TRPC4AP: variants seen among roughly 807,000 people sequenced by gnomAD.
The protein encoded by TRPC4AP is transient receptor potential cation channel subfamily C member 4 associated protein.
In TRPC4AP, 45 loss-of-function variants were observed where a neutral mutation model predicts 99.0. The observed-to-expected ratio is 0.45, with a 90% CI of 0.36 to 0.58. The LOEUF is 0.58. Ranked by LOEUF, TRPC4AP falls within the 20% of genes least tolerant of loss-of-function variation. The pLI is 0.00. For synonymous variants in TRPC4AP, 408 were observed against 385.8 expected (o/e 1.06, Z -0.67); for missense variants, 879 against 985.3 (o/e 0.89, Z 1.44).
At chr20:35,077,834 G>T (rs1237618833) in intron 2 of TRPC4AP, among the ~76,000 whole-genome samples, 1 of 152,150 alleles carries the variant, frequency 6.6e-6, no homozygotes, top group Admixed American at 6.5e-5. Flanking sequence ...GGATAACACA[G>T]GGAACCTAAT....
At chr20:35,057,370 G>A (rs1361203222) in intron 4 of TRPC4AP, 144 bp downstream of exon 4, 5 of 635,210 alleles carry the variant, frequency 7.9e-6, no homozygotes, top group Non-Finnish European at 1.1e-5. Flanking sequence ...CTTAGCTGGG[G>A]GAGGAGAGAG....
intron 6 of TRPC4AP, 34 bp from the exon 7 acceptor site, chr20:35,044,746 T>G (rs758698071): frequency 1.2e-6 from 2 of 1,602,114 alleles, no homozygotes; most frequent in South Asian, 2.2e-5. Context: ...ATCCCCATGC[T>G]CAATTCACTC....
chr20:35,016,878 G>A (rs1478045860), intron 9 of TRPC4AP, among the ~76,000 whole-genome samples: 1 of 152,164 alleles, frequency 6.6e-6, no homozygotes, highest in South Asian at 2.1e-4. Context: ...TTTCAGACTG[G>A]GAAAGATGAC....
At chr20:35,044,083 C>G (rs1166290868) in intron 7 of TRPC4AP, among the ~76,000 whole-genome samples, 1 of 152,036 alleles carries the variant, frequency 6.6e-6, no homozygotes, top group Non-Finnish European at 1.5e-5. Context: ...TCACATGGAT[C>G]CATCTCTAGA....
At chr20:35,085,221 G>T (rs1376241244) in intron 1 of TRPC4AP, among the ~76,000 whole-genome samples, 1 of 152,176 alleles carries the variant, frequency 6.6e-6, no homozygotes, top group African/African-American at 2.4e-5. Flanking sequence ...CAAGCTCCAT[G>T]ATACGCAGAG....
chr20:35,044,182 G>C (rs1457843651), intron 7 of TRPC4AP, among the ~76,000 whole-genome samples: 1 of 151,970 alleles, frequency 6.6e-6, no homozygotes, highest in Non-Finnish European at 1.5e-5. Context: ...CTTGAGACCA[G>C]GAAGTCAAGA....
At chr20:35,040,639 C>T (rs948227956) in intron 7 of TRPC4AP, among the ~76,000 whole-genome samples, 5 of 152,138 alleles carry the variant, frequency 3.3e-5, no homozygotes, top group South Asian at 2.1e-4. Context: ...GAGTTTCACT[C>T]GTTGCCCAGG....
At chr20:35,021,379 G>C (rs762929777) in intron 8 of TRPC4AP, 23 bp from the exon 9 acceptor site, 1 of 1,610,008 alleles carries the variant, frequency 6.2e-7, no homozygotes, top group Non-Finnish European at 8.5e-7. Flanking sequence ...CCGGAGACAG[G>C]ATTGAGTCAC....
chr20:35,084,800 C>A (rs956333450), intron 1 of TRPC4AP, among the ~76,000 whole-genome samples: 1 of 149,272 alleles, frequency 6.7e-6, no homozygotes, highest in African/African-American at 2.5e-5. Flanking sequence ...TATATTTATC[C>A]TTCAATTTAA....
chr20:35,017,101 C>T (rs773705091), intron 9 of TRPC4AP, among the ~76,000 whole-genome samples: 7 of 152,198 alleles, frequency 4.6e-5, no homozygotes, highest in Non-Finnish European at 1.0e-4. Flanking sequence ...ATTTACAACA[C>T]TACTCACTAT....
chr20:35,076,526 C>G (rs1026819658), intron 2 of TRPC4AP, among the ~76,000 whole-genome samples: 3 of 152,172 alleles, frequency 2.0e-5, no homozygotes, highest in African/African-American at 7.2e-5. Context: ...TGCTGGAGGT[C>G]CACTCCAGAC....
At chr20:35,044,410 AAAAAAG>A in intron 7 of TRPC4AP, 89 bp downstream of exon 7, 2 of 1,297,882 alleles carry the variant, frequency 1.5e-6, no homozygotes, top group African/African-American at 1.5e-5. Flanking sequence ...GAAAAAAAAA[AAAAAAG>A]AAAAGAAAAG....
At chr20:35,053,228 G>A (rs561369311) in intron 5 of TRPC4AP, among the ~76,000 whole-genome samples, 16 of 152,150 alleles carry the variant, frequency 1.1e-4, no homozygotes, top group Admixed American at 6.5e-4. Flanking sequence ...ATTTTGAAAT[G>A]TAAAACAGAA....
chr20:35,044,376 A>T, intron 7 of TRPC4AP, 129 bp downstream of exon 7: 4 of 928,000 alleles, frequency 4.3e-6, no homozygotes, highest in South Asian at 1.9e-5. Flanking sequence ...TGGGTGACAT[A>T]GTGACGATCC....
rs569423177 is a variant in TRPC4AP at position 35,004,518 on chromosome 20, G to C, written c.1989C>G (p.Pro663=). Residue 663 remains proline, a synonymous_variant, in exon 17 of 19, where the codon CCC becomes CCG. Transcript: ENST00000252015. ...GGCGGAAGAGGAAGGACATCTGCGT[G>C]GGCACCTGGGATATGTAGGCGAGCA... ...CRLLAYISQV[P]TQMSFLFRLI... The C allele has an allele frequency of 8.5e-5, 138 of 1,614,114 alleles. 1 individual carries two copies. The South Asian group carries it at 1.4e-3, about 16-fold the overall frequency.
In TRPC4AP at chr20:35,021,184, G is replaced by A; in HGVS notation, c.1218+6C>T. The A allele has an allele frequency of 6.2e-7, 1 of 1,609,432 alleles. No individual in the cohort carries two copies. Among genetic ancestry groups the A allele is most frequent in the Non-Finnish European group, 8.5e-7 (1 of 1,176,822 alleles). On this transcript the variant is annotated splice_donor_region_variant and intron_variant, in intron 9 of 18. Coordinates refer to ENST00000252015, the MANE Select transcript of TRPC4AP (RefSeq NM_015638.3). Reference sequence around the variant, plus strand: ...CCGTGTCCTGAGACGCTGGAGAGGGGCCCACCTGGTTTCGCTGACGCCCCA... The same window carrying A: ...CCGTGTCCTGAGACGCTGGAGAGGGACCCACCTGGTTTCGCTGACGCCCCA...
chr20:35,035,553 T>G (rs1287428393), intron 7 of TRPC4AP, among the ~76,000 whole-genome samples: 1 of 152,240 alleles, frequency 6.6e-6, no homozygotes, highest in Non-Finnish European at 1.5e-5. Flanking sequence ...GAATAATCTT[T>G]ATGCCTTAAA....
At chr20:35,086,473 G>GTATATA (rs1390070010) in intron 1 of TRPC4AP, among the ~76,000 whole-genome samples, 2 of 105,026 alleles carry the variant, frequency 1.9e-5, no homozygotes, top group African/African-American at 4.2e-5. Flanking sequence ...GTGTGTGTGT[G>GTATATA]TGTATGTGTG....
intron 2 of TRPC4AP, among the ~76,000 whole-genome samples, chr20:35,073,185 T>C (rs1053486907): frequency 2.0e-5 from 3 of 152,324 alleles, no homozygotes; most frequent in Admixed American, 2.0e-4. Context: ...GCTGAGACAA[T>C]GGGGTTTTCT....
Sources: allele counts gnomAD v4.1 joint callset (sites outside exome capture counted in the v4.1 genomes callset), GRCh38; gene constraint gnomAD v4.1.1; transcripts MANE v1.5; gene names NCBI Gene and HGNC (gene_info 2026-07-23, HGNC 2026-07-21).